RAF1: variants seen among roughly 807,000 people sequenced by gnomAD.
RAF1 encodes RAF proto-oncogene serine/threonine-protein kinase.
RAF1 carries 27 observed loss-of-function variants against 81.1 expected under a neutral mutation model. That is an observed-to-expected ratio of 0.33 (90% confidence interval 0.25 to 0.46). RAF1 has a LOEUF of 0.46. Ranked by LOEUF, RAF1 falls within the 20% of genes least tolerant of loss-of-function variation. The pLI is 1.00. For missense variants in RAF1, 598 were observed against 826.0 expected, an observed-to-expected ratio of 0.72 and a Z score of 3.38; for synonymous variants, 298 against 294.0, an observed-to-expected ratio of 1.01 and a Z score of -0.14.
intron 1 of RAF1, among the ~76,000 whole-genome samples, chr3:12,621,164 AGTATTACTCTAG>A (rs2059546962): frequency 6.6e-6 from 1 of 152,168 alleles, no homozygotes; most frequent in African/African-American, 2.4e-5. Context: ...TAATACTTAC[AGTATTACTCTAG>A]GTAGGAATTA....
chr3:12,604,715 T>C (rs1663828912), intron 6 of RAF1, among the ~76,000 whole-genome samples: 2 of 152,216 alleles, frequency 1.3e-5, no homozygotes, highest in African/African-American at 4.8e-5. Context: ...GTGCTGAGCA[T>C]GTCTGTAAAA....
intron 1 of RAF1, among the ~76,000 whole-genome samples, chr3:12,640,800 T>C (rs1393226342): frequency 6.6e-6 from 1 of 152,150 alleles, no homozygotes; most frequent in Non-Finnish European, 1.5e-5. Context: ...TGGAAGTCAG[T>C]GTGGCGATTC....
At chr3:12,656,010 G>A (rs2060678994) in intron 1 of RAF1, among the ~76,000 whole-genome samples, 1 of 151,030 alleles carries the variant, frequency 6.6e-6, no homozygotes, top group African/African-American at 2.4e-5. Flanking sequence ...ATGGTTTTAA[G>A]ACATTGTGAA....
At position 12,664,065 on chromosome 3, in the gene RAF1, T is replaced by C. The variant is rs2060972866; in HGVS notation, c.-279A>G. ...GCAGAAAGCCGTTCCCGCCTCACAA[T>C]CGTTTTCCTCTTACTCCCGCCATCT... On this transcript the variant is annotated 5_prime_UTR_variant, in exon 1 of 18. Transcript: ENST00000442415. 1 of 398,256 alleles carries C rather than the reference T, an allele frequency of 2.5e-6. No individual in the cohort carries two copies. The highest frequency in any genetic ancestry group is 3.6e-5 in the East Asian group (1 of 28,002). The allele number at this position is 398,256 out of a possible 1,614,324, so 24.7% of individuals were successfully genotyped here.
At chr3:12,631,619 C>G (rs1440064878) in intron 1 of RAF1, among the ~76,000 whole-genome samples, 1 of 152,200 alleles carries the variant, frequency 6.6e-6, no homozygotes, top group Admixed American at 6.5e-5. Flanking sequence ...CAAAACAAAA[C>G]ACAATTGTTC....
At chr3:12,614,410 G>A (rs922776871) in intron 2 of RAF1, among the ~76,000 whole-genome samples, 4 of 100,232 alleles carry the variant, frequency 4.0e-5, no homozygotes, top group Admixed American at 1.2e-4. Context: ...CTCTACGTGC[G>A]TGCGTGTGTG....
chr3:12,590,591 G>A, intron 13 of RAF1: 1 of 599,126 alleles, frequency 1.7e-6, no homozygotes, highest in Non-Finnish European at 3.0e-6. Flanking sequence ...CTCCCAAAGT[G>A]CTGGGATTAC....
At position 12,584,438 on chromosome 3, in the gene RAF1, G is replaced by C. The variant is rs2125314934; in HGVS notation, c.*76C>G. 6.3e-7 allele frequency: 1 copy of C among 1,580,152 alleles called. No homozygotes were observed. The highest frequency in any genetic ancestry group is 8.7e-7 in the Non-Finnish European group (1 of 1,150,864). On this transcript the variant is annotated 3_prime_UTR_variant, in exon 18 of 18. Transcript: ENST00000442415. The stretch of plus-strand genomic sequence containing the variant: ...TCTGAAAACATGTGTTCTGCCTCTG[G>C]AGAAAGGGAGCAGAAAAGTGGTGCC...
At chr3:12,646,651 CAT>C (rs1287330818) in intron 1 of RAF1, among the ~76,000 whole-genome samples, 1 of 151,618 alleles carries the variant, frequency 6.6e-6, no homozygotes, top group East Asian at 2.0e-4. Context: ...CCCGGGTTCA[CAT>C]GATTCTCCTG....
In RAF1 at chr3:12,611,973, G is replaced by A. The variant is rs376509458; in HGVS notation, c.297C>T (p.Phe99=). The change falls in exon 3 of 18, where the codon TTC becomes TTT. Residue 99 remains phenylalanine, a synonymous_variant. Transcript: ENST00000442415. ...ACCCTTTGTGTTCGTGGAGAAGTCT[G>A]AACACTGCACAGCACTCTGGTTGCA... The A allele has an allele frequency of 1.2e-5, 19 of 1,614,016 alleles. No homozygotes were observed. The African/African-American group carries it at 1.9e-4, about 16-fold the overall frequency.
intron 1 of RAF1, among the ~76,000 whole-genome samples, chr3:12,619,466 A>C (rs2059484524): frequency 6.6e-6 from 1 of 151,514 alleles, no homozygotes; most frequent in African/African-American, 2.4e-5. Flanking sequence ...AGGGAGGCTG[A>C]GGCAGGAGAA....
chr3:12,657,907 G>A (rs1481577063), intron 1 of RAF1, among the ~76,000 whole-genome samples: 1 of 150,334 alleles, frequency 6.7e-6, no homozygotes, highest in African/African-American at 2.5e-5. Flanking sequence ...CCCTATCACA[G>A]TCACTGACCA....
At chr3:12,590,726 C>T in intron 13 of RAF1, 72 bp downstream of exon 12, 2 of 1,498,380 alleles carry the variant, frequency 1.3e-6, no homozygotes, top group South Asian at 2.3e-5. Context: ...GAAGGCTTTT[C>T]CTGATCCTGG....
Position 12,584,054 on chromosome 3 carries a change from A to G in RAF1, c.*460T>C. 1 of 284,120 alleles carries G rather than the reference A, an allele frequency of 3.5e-6. No individual in the cohort carries two copies. Among genetic ancestry groups the G allele is most frequent in the Non-Finnish European group, 6.8e-6 (1 of 147,076 alleles). The allele number at this position is 284,120 out of a possible 1,614,324, so 17.6% of individuals were successfully genotyped here. A position where few individuals can be genotyped will look rare whatever the true frequency, so the allele number is the denominator to read the frequency against. Reference sequence around the variant, plus strand: ...GGCTGTTTGGTGCCTTATGTGCAAAATGTCTGGCGCTGCACCACTCTCTGA... The same window carrying G: ...GGCTGTTTGGTGCCTTATGTGCAAAGTGTCTGGCGCTGCACCACTCTCTGA... On this transcript the variant is annotated 3_prime_UTR_variant, in exon 18 of 18. Coordinates refer to ENST00000442415, the MANE Select transcript of RAF1 (RefSeq NM_001354689.3).
intron 1 of RAF1, among the ~76,000 whole-genome samples, chr3:12,631,095 G>A (rs148922229): frequency 4.1e-4 from 63 of 152,206 alleles, no homozygotes; most frequent in African/African-American, 1.4e-3. Context: ...CAAGGTGGGC[G>A]GATGAGCCCA....
intron 11 of RAF1, among the ~76,000 whole-genome samples, chr3:12,595,312 T>G (rs370692954): frequency 1.1e-4 from 17 of 152,236 alleles, no homozygotes; most frequent in East Asian, 5.8e-4. Flanking sequence ...CTTCAAGTGA[T>G]TCTCCCACCT....
intron 1 of RAF1, among the ~76,000 whole-genome samples, chr3:12,646,189 G>C (rs2060342655): frequency 1.3e-5 from 2 of 152,084 alleles, no homozygotes; most frequent in Admixed American, 1.3e-4. Flanking sequence ...ACCTAGGCTG[G>C]AAGTGCAGTA....
chr3:12,627,225 T>C (rs1300026542), intron 1 of RAF1, among the ~76,000 whole-genome samples: 3 of 152,108 alleles, frequency 2.0e-5, no homozygotes, highest in Non-Finnish European at 2.9e-5. Flanking sequence ...ATCTAAACCA[T>C]ACAAATTATT....
In RAF1 at chr3:12,585,113, CAG is replaced by C; in HGVS notation, c.1728+7_1728+8del. On this transcript the variant is annotated splice_region_variant and intron_variant, in intron 16 of 17. Transcript: ENST00000442415. ...CGAGTTGGGTCCTTTCGCACCAGCA[CAG>C]ACTTACCTGATCTCGGTTGTTGATG... is the stretch of plus-strand genomic sequence containing the variant. 1 of 1,614,082 alleles carries C rather than the reference CAG, an allele frequency of 6.2e-7. No individual in the cohort carries two copies. Among genetic ancestry groups the C allele is most frequent in the South Asian group, 1.1e-5 (1 of 91,052 alleles).
Sources: gnomAD v4.1 joint callset for allele counts (sites outside exome capture counted in the v4.1 genomes callset) on GRCh38, gnomAD v4.1.1 for gene constraint, MANE v1.5 for transcripts, NCBI Gene and HGNC (gene_info 2026-07-23, HGNC 2026-07-21) for gene names.